Variants in ANXA8 observed in about 807,000 individuals in gnomAD.
ANXA8 encodes the protein annexin A8.
ANXA8 carries 9 observed loss-of-function variants against 26.8 expected under a neutral mutation model. The observed-to-expected ratio is 0.34, with a 90% CI of 0.20 to 0.59. The LOEUF is 0.59. Among genes scored for constraint, ANXA8 ranks in the 20% least tolerant of loss-of-function variants. ANXA8 has a pLI of 0.84. For synonymous variants in ANXA8, 39 were observed against 94.8 expected (o/e 0.41, Z 3.42); for missense variants, 83 against 238.5 (o/e 0.35, Z 4.29).
chr10:47,573,197 T>C, the ANXA8 span, among the ~76,000 whole-genome samples: 3 of 148,686 alleles, frequency 2.0e-5, no homozygotes, highest in East Asian at 6.2e-4. Context: ...TTGGCCAGGA[T>C]GGTCTCGATC....
the ANXA8 span, among the ~76,000 whole-genome samples, chr10:47,658,847 A>ATTTATTAT: frequency 6.7e-5 from 9 of 133,668 alleles, no homozygotes; most frequent in Admixed American, 4.4e-4. Flanking sequence ...TTATTTATTT[A>ATTTATTAT]TTATTTATTT....
chr10:47,755,341 C>T, the ANXA8 span, among the ~76,000 whole-genome samples: 23 of 152,152 alleles, frequency 1.5e-4, no homozygotes, highest in African/African-American at 4.6e-4. Flanking sequence ...CTGCAAGCTC[C>T]GCCTCCCAGG....
the ANXA8 span, among the ~76,000 whole-genome samples, chr10:47,525,897 C>T: frequency 1.6e-5 from 2 of 128,984 alleles, no homozygotes; most frequent in Admixed American, 8.0e-5. Flanking sequence ...CTCCGCCTCC[C>T]GGGCTCAAGC....
the ANXA8 span, chr10:47,727,038 T>C: frequency 9.6e-7 from 1 of 1,037,374 alleles, no homozygotes; most frequent in South Asian, 1.3e-5. Flanking sequence ...CACTGTACTT[T>C]AAATTAAGAG....
chr10:47,772,412 A>G, the ANXA8 span, among the ~76,000 whole-genome samples: 8 of 152,392 alleles, frequency 5.2e-5, no homozygotes, highest in South Asian at 1.2e-3. Flanking sequence ...GAAAGCCTCC[A>G]GCACACTGAC....
At chr10:47,587,354 G>T in the ANXA8 span, among the ~76,000 whole-genome samples, 1 of 148,536 alleles carries the variant, frequency 6.7e-6, no homozygotes, top group East Asian at 1.9e-4. Context: ...TCATACATTT[G>T]GGGGTATCGT....
chr10:47,743,293 TACAC>T, the ANXA8 span, among the ~76,000 whole-genome samples: 13 of 64,842 alleles, frequency 2.0e-4, no homozygotes, highest in African/African-American at 4.4e-4. Context: ...CATATATATA[TACAC>T]ATATATATAT....
At chr10:47,932,389 G>T in the ANXA8 span, among the ~76,000 whole-genome samples, 1 of 151,024 alleles carries the variant, frequency 6.6e-6, no homozygotes, top group African/African-American at 2.4e-5. Flanking sequence ...ACTCAAGTGG[G>T]TGATGGCAAA....
chr10:47,586,349 A>G, the ANXA8 span, among the ~76,000 whole-genome samples: 1 of 144,648 alleles, frequency 6.9e-6, no homozygotes, highest in Non-Finnish European at 1.5e-5. Flanking sequence ...GTCATTTCCT[A>G]TCTGCTAACC....
the ANXA8 span, among the ~76,000 whole-genome samples, chr10:47,920,122 G>A: frequency 5.0e-5 from 2 of 40,354 alleles, no homozygotes; most frequent in Non-Finnish European, 8.2e-5. Flanking sequence ...CTTTTTGCCC[G>A]AAGACCATAG....
the ANXA8 span, among the ~76,000 whole-genome samples, chr10:47,702,318 G>A: frequency 9.9e-5 from 15 of 151,016 alleles, no homozygotes; most frequent in East Asian, 7.8e-4. Context: ...CCAGATCTTC[G>A]TCTGTAAACA....
the ANXA8 span, among the ~76,000 whole-genome samples, chr10:47,768,470 G>A: frequency 6.6e-6 from 1 of 151,256 alleles, no homozygotes; most frequent in South Asian, 2.1e-4. Context: ...AAAGGTGGCT[G>A]AGAACCTGCT....
chr10:47,502,195 C>T, the ANXA8 span: 1 of 1,541,430 alleles, frequency 6.5e-7, no homozygotes, highest in African/African-American at 1.4e-5. Flanking sequence ...TGACGTCCAC[C>T]CCGTCAGGAG....
Position 47,468,627 on chromosome 10 carries a change from G to T in ANXA8, c.*220C>A. ...CTGGAGAAACACTAAGGTTGGCATT[G>T]TGCTCACACTGGGAAATGACCTGGA... On this transcript the variant is annotated 3_prime_UTR_variant, in exon 12 of 12. Coordinates refer to ENST00000585281, the MANE Select transcript of ANXA8 (RefSeq NM_001040084.3). 1.4e-6 allele frequency: 1 copy of T among 718,986 alleles called. No homozygotes were observed. The highest frequency in any genetic ancestry group is 2.2e-6 in the Non-Finnish European group (1 of 444,718). The allele number at this position is 718,986 out of a possible 1,614,324, so 44.5% of individuals were successfully genotyped here.
the ANXA8 span, among the ~76,000 whole-genome samples, chr10:47,493,376 T>G: frequency 0.037 from 4,938 of 133,848 alleles, 181 homozygotes; most frequent in African/African-American, 0.15. Context: ...GGGGATGGGG[T>G]GACACCTGGG....
chr10:47,655,490 A>G, the ANXA8 span, among the ~76,000 whole-genome samples: 3 of 150,102 alleles, frequency 2.0e-5, no homozygotes, highest in East Asian at 3.9e-4. Context: ...CAGTAGCGAG[A>G]GTGTTTGAAG....
the ANXA8 span, among the ~76,000 whole-genome samples, chr10:47,979,065 A>G: frequency 4.0e-5 from 6 of 151,514 alleles, no homozygotes; most frequent in Non-Finnish European, 8.9e-5. Context: ...GACAAAAATT[A>G]TTACAAGAGA....
the ANXA8 span, among the ~76,000 whole-genome samples, chr10:47,896,684 G>T: frequency 4.0e-5 from 6 of 150,684 alleles, no homozygotes; most frequent in Non-Finnish European, 8.9e-5. Flanking sequence ...CCCATGCATA[G>T]AACACTAACT....
At chr10:47,578,006 AAAAAAAAAAAAAAG>A in the ANXA8 span, among the ~76,000 whole-genome samples, 17 of 45,648 alleles carry the variant, frequency 3.7e-4, no homozygotes, top group Non-Finnish European at 8.3e-4. Flanking sequence ...TCCACCTCAA[AAAAAAAAAAAAAAG>A]AAAAAGAATG....
Sources: gnomAD v4.1 joint callset for allele counts (sites outside exome capture counted in the v4.1 genomes callset) on GRCh38, gnomAD v4.1.1 for gene constraint, MANE v1.5 for transcripts, NCBI Gene and HGNC (gene_info 2026-07-23, HGNC 2026-07-21) for gene names.